The following NCAPH variants were observed in gnomAD, a reference collection of about 807,000 sequenced individuals.
NCAPH encodes the protein non-SMC condensin I complex subunit H.
A neutral mutation model predicts 85.5 loss-of-function variants in NCAPH; 38 were observed. The ratio of observed to expected loss-of-function variants is 0.44; its 90% CI spans 0.34 to 0.58. NCAPH has a LOEUF of 0.58. Ranked by LOEUF, NCAPH falls within the 20% of genes least tolerant of loss-of-function variation. The pLI is 0.01. For synonymous variants in NCAPH, 301 were observed against 335.1 expected (o/e 0.90, Z 1.11); for missense variants, 789 against 916.6 (o/e 0.86, Z 1.80).
chr2:96,361,789 T>C (rs966410687), intron 12 of NCAPH, among the ~76,000 whole-genome samples: 3 of 128,036 alleles, frequency 2.3e-5, no homozygotes, highest in Non-Finnish European at 4.9e-5. Context: ...TATACACATA[T>C]ATATGTATAT....
chr2:96,338,328 T>C (rs1378139853), intron 1 of NCAPH, among the ~76,000 whole-genome samples: 1 of 151,132 alleles, frequency 6.6e-6, no homozygotes, highest in African/African-American at 2.4e-5. Context: ...TCTGTGCCAG[T>C]GCCTCTGTCT....
chr2:96,347,565 T>C (rs2064378428), intron 6 of NCAPH, among the ~76,000 whole-genome samples: 1 of 152,084 alleles, frequency 6.6e-6, no homozygotes, highest in Admixed American at 6.6e-5. Flanking sequence ...AGAATTTTGC[T>C]GATGACTGAG....
chr2:96,338,128 T>C (rs142875786), intron 1 of NCAPH, among the ~76,000 whole-genome samples: 1,532 of 151,364 alleles, frequency 0.01, 7 homozygotes, highest in Middle Eastern at 0.038. Flanking sequence ...GATTTTGCCT[T>C]GTTGGCCAGG....
chr2:96,340,585 T>A (rs2064278976), intron 1 of NCAPH, among the ~76,000 whole-genome samples: 1 of 151,914 alleles, frequency 6.6e-6, no homozygotes, highest in Admixed American at 6.6e-5. Flanking sequence ...GAGACGGGGT[T>A]TCACCATATT....
At chr2:96,344,034 A>C in intron 5 of NCAPH, 71 bp from the exon 6 acceptor site, 1 of 1,546,932 alleles carries the variant, frequency 6.5e-7, no homozygotes, top group Admixed American at 2.0e-5. Context: ...GTTTTGAAGA[A>C]CTTGAGTTAG....
intron 17 of NCAPH, among the ~76,000 whole-genome samples, chr2:96,371,364 C>T (rs1424768809): frequency 6.6e-6 from 1 of 152,176 alleles, no homozygotes; most frequent in Non-Finnish European, 1.5e-5. Context: ...GCTCATCAGC[C>T]CCAGCCTGAA....
chr2:96,370,758 G>T (rs1384096162), intron 17 of NCAPH, among the ~76,000 whole-genome samples: 2 of 152,230 alleles, frequency 1.3e-5, no homozygotes, highest in African/African-American at 4.8e-5. Flanking sequence ...CAACTACTGT[G>T]CTGACCATTG....
Position 96,353,382 on chromosome 2 carries a change from T to G in NCAPH, c.987T>G (p.Ser329Arg), listed in dbSNP as rs368664843. Residue 329 changes from serine to arginine, a missense_variant, in exon 8 of 18, where the codon AGT becomes AGG. Coordinates refer to ENST00000240423, the MANE Select transcript of NCAPH (RefSeq NM_015341.5). ...LAGFQFTQWD[S>R]ETHNESVSAL... is the part of the protein sequence containing the mutation. ...GGTTCCAGTTTACACAGTGGGACAG[T>G]GAAACACATAATGAGGTGTGGTCAA... The G allele has an allele frequency of 1.7e-5, 28 of 1,613,942 alleles. No individual in the cohort carries two copies. The Admixed American group carries it at 4.3e-4, about 25-fold the overall frequency.
chr2:96,345,773 A>G (rs1192204317), intron 6 of NCAPH, among the ~76,000 whole-genome samples: 3 of 152,216 alleles, frequency 2.0e-5, no homozygotes, highest in South Asian at 2.1e-4. Flanking sequence ...ATGAAAACAA[A>G]TATGCAAAAT....
intron 3 of NCAPH, 73 bp downstream of exon 3, chr2:96,342,213 G>A (rs2064305443): frequency 7.8e-7 from 1 of 1,280,368 alleles, no homozygotes; most frequent in African/African-American, 1.5e-5. Flanking sequence ...TCTTGTTTCT[G>A]TAGATAATGC....
At chr2:96,337,125 T>C (rs180732914) in intron 1 of NCAPH, among the ~76,000 whole-genome samples, 2 of 152,340 alleles carry the variant, frequency 1.3e-5, no homozygotes, top group Admixed American at 1.3e-4. Context: ...TTGAGCTCAG[T>C]AACCATCGGT....
intron 17 of NCAPH, among the ~76,000 whole-genome samples, chr2:96,371,387 T>G (rs768442328): frequency 5.3e-5 from 8 of 152,128 alleles, no homozygotes; most frequent in Non-Finnish European, 1.2e-4. Flanking sequence ...TCAGAGTGCT[T>G]CTCTGGGTGG....
In NCAPH at chr2:96,335,817, A is replaced by G. The variant is rs1396320160; in HGVS notation, c.-13A>G. On this transcript the variant is annotated 5_prime_UTR_variant, in exon 1 of 18. Coordinates refer to ENST00000240423, the MANE Select transcript of NCAPH (RefSeq NM_015341.5). ...GCGCGATTTAAAACCAGCTCAGGAG[A>G]CGCCAAGGAAAGATGGGACCTCCCG... 6.7e-6 allele frequency: 10 copies of G among 1,493,700 alleles called. No homozygotes were observed. The highest frequency in any genetic ancestry group is 5.0e-5 in the Admixed American group (2 of 40,018). 92.5% of individuals were successfully genotyped at this position (1,493,700 alleles called of 1,614,324 possible). A position where few individuals can be genotyped will look rare whatever the true frequency, so the allele number is the denominator to read the frequency against.
intron 16 of NCAPH, 29 bp downstream of exon 16, chr2:96,369,092 T>C: frequency 6.5e-7 from 1 of 1,549,712 alleles, no homozygotes; most frequent in Non-Finnish European, 8.7e-7. Context: ...GGGGGCTTTG[T>C]TGGGGCTCAC....
chr2:96,337,570 C>G (rs1182740554), intron 1 of NCAPH, among the ~76,000 whole-genome samples: 1 of 152,144 alleles, frequency 6.6e-6, no homozygotes, highest in Non-Finnish European at 1.5e-5. Context: ...CAGGCTCCTG[C>G]CACCACGCCC....
intron 1 of NCAPH, 105 bp from the exon 2 acceptor site, chr2:96,341,537 A>G: frequency 1.4e-6 from 2 of 1,397,134 alleles, no homozygotes; most frequent in Non-Finnish European, 1.9e-6. Context: ...AGAAGATCTC[A>G]GTGGACAGTG....
At chr2:96,339,400 G>A (rs1253521651) in intron 1 of NCAPH, among the ~76,000 whole-genome samples, 1 of 151,828 alleles carries the variant, frequency 6.6e-6, no homozygotes, top group East Asian at 1.9e-4. Flanking sequence ...AGACCAGCCT[G>A]GCTAACACTG....
intron 4 of NCAPH, 64 bp downstream of exon 4, chr2:96,342,912 A>C: frequency 7.0e-7 from 1 of 1,426,794 alleles, no homozygotes. Context: ...ACTACTTGGC[A>C]TAACACAGTT....
At chr2:96,363,423 A>G (rs1420194019) in intron 12 of NCAPH, among the ~76,000 whole-genome samples, 1 of 152,198 alleles carries the variant, frequency 6.6e-6, no homozygotes, top group African/African-American at 2.4e-5. Flanking sequence ...GTGGAAGAAA[A>G]TGGGGCGTTT....
Sources: allele counts gnomAD v4.1 joint callset (sites outside exome capture counted in the v4.1 genomes callset), GRCh38; gene constraint gnomAD v4.1.1; transcripts MANE v1.5; gene names NCBI Gene and HGNC (gene_info 2026-07-23, HGNC 2026-07-21).